C4BPA: variants seen among roughly 807,000 people sequenced by gnomAD.
The protein encoded by C4BPA is C4b-binding protein alpha chain.
A neutral mutation model predicts 63.7 loss-of-function variants in C4BPA; 31 were observed. The observed-to-expected ratio is 0.49, with a 90% CI of 0.37 to 0.66. The LOEUF is 0.66. Among genes scored for constraint, C4BPA ranks in the 30% least tolerant of loss-of-function variants. C4BPA has a pLI of 0.00. For synonymous variants in C4BPA, 259 were observed against 254.7 expected (o/e 1.02, Z -0.16); for missense variants, 572 against 723.3 (o/e 0.79, Z 2.40).
At chr1:207,104,616 A>C (rs2102323888) in intron 1 of C4BPA, among the ~76,000 whole-genome samples, 186 bp downstream of exon 1, 1 of 152,262 alleles carries the variant, frequency 6.6e-6, no homozygotes, top group Non-Finnish European at 1.5e-5. Flanking sequence ...CCCTATCTGA[A>C]CCTCAAGTTT....
chr1:207,113,291 GTTTA>G (rs888239159), intron 2 of C4BPA, 124 bp downstream of exon 2: 4 of 1,078,448 alleles, frequency 3.7e-6, no homozygotes, highest in Non-Finnish European at 4.0e-6. Context: ...TCAACAAGTG[GTTTA>G]TTTGACAGGC....
At chr1:207,127,042 G>C (rs1252328099) in intron 7 of C4BPA, 147 bp downstream of exon 7, 2 of 605,670 alleles carry the variant, frequency 3.3e-6, no homozygotes, top group East Asian at 2.8e-5. Flanking sequence ...TTTTTTTCTT[G>C]TTGGAAAGAA....
intron 9 of C4BPA, among the ~76,000 whole-genome samples, chr1:207,136,840 C>T (rs566670066): frequency 6.6e-6 from 1 of 152,158 alleles, no homozygotes; most frequent in African/African-American, 2.4e-5. Flanking sequence ...GTACCCTCCC[C>T]CTACTAGAGC....
intron 10 of C4BPA, among the ~76,000 whole-genome samples, chr1:207,141,990 T>C (rs1041834931): frequency 1.3e-5 from 2 of 152,190 alleles, no homozygotes; most frequent in South Asian, 2.1e-4. Context: ...TACAAAAGTA[T>C]ACATGTGCCC....
rs928399579 is a variant in C4BPA, at chr1:207,113,150, T to C, written c.125T>C (p.Leu42Pro). 1.9e-6 allele frequency: 3 copies of C among 1,610,806 alleles called. No homozygotes were observed. Among genetic ancestry groups the C allele is most frequent in the East Asian group, 2.2e-5 (1 of 44,654 alleles). Residue 42 changes from leucine to proline, a missense_variant, in exon 2 of 12, where the codon CTG becomes CCG. Leu to Pro is a moderately conservative substitution (Grantham distance 98). Transcript: ENST00000367070. ...TTCCAAATGACCTTGATCGCTGCTC[T>C]GTTGCCTGCTGTTCTTGGTGAGTAG... ...ILFQMTLIAA[L>P]LPAVLGNCGP...
At chr1:207,109,750 T>C (rs1268943581) in intron 1 of C4BPA, among the ~76,000 whole-genome samples, 1 of 152,200 alleles carries the variant, frequency 6.6e-6, no homozygotes, top group Non-Finnish European at 1.5e-5. Context: ...GGAGAACCAG[T>C]TTTTGCCTAC....
intron 6 of C4BPA, 93 bp downstream of exon 6, chr1:207,124,459 A>C: frequency 1.1e-6 from 1 of 934,682 alleles, no homozygotes; most frequent in East Asian, 2.5e-5. Context: ...CAAATGGAAA[A>C]TTCAAAGATA....
Position 207,144,585 on chromosome 1 carries a change from A to G in C4BPA, c.1662A>G (p.Arg554=). The change falls in exon 12 of 12, where the codon AGA becomes AGG. Residue 554 remains arginine (R), a synonymous_variant. Transcript: ENST00000367070. ...EGCEQVLTGK[R]LMQCLPNPED... is the part of the protein sequence containing the mutation. Reference sequence around the variant, plus strand: ...GTGAACAAGTGCTCACAGGCAAAAGACTCATGCAGTGTCTCCCAAACCCAG... The same window carrying G: ...GTGAACAAGTGCTCACAGGCAAAAGGCTCATGCAGTGTCTCCCAAACCCAG... 6.2e-7 allele frequency: 1 copy of G among 1,612,826 alleles called. No individual in the cohort carries two copies. The highest frequency in any genetic ancestry group is 8.5e-7 in the Non-Finnish European group (1 of 1,179,676).
chr1:207,137,098 C>T (rs1380277762), intron 9 of C4BPA, among the ~76,000 whole-genome samples: 1 of 152,202 alleles, frequency 6.6e-6, no homozygotes, highest in Non-Finnish European at 1.5e-5. Context: ...TCAGACTTTA[C>T]CCTCTTGGGA....
At chr1:207,114,311 C>G in intron 3 of C4BPA, 26 bp downstream of exon 3, 1 of 1,545,156 alleles carries the variant, frequency 6.5e-7, no homozygotes, top group Non-Finnish European at 8.8e-7. Flanking sequence ...TATTTTTTTC[C>G]TTTGCTTTTC....
At chr1:207,144,460 G>A in intron 11 of C4BPA, 84 bp from the exon 12 acceptor site, 1 of 1,283,160 alleles carries the variant, frequency 7.8e-7, no homozygotes, top group Non-Finnish European at 1.1e-6. Context: ...GTTCAATCCT[G>A]TAGTCCTTCC....
intron 10 of C4BPA, among the ~76,000 whole-genome samples, chr1:207,143,314 A>G (rs1208681432): frequency 6.6e-6 from 1 of 150,952 alleles, no homozygotes; most frequent in East Asian, 2.0e-4. Flanking sequence ...GGAGGGGAAC[A>G]TCACACACTG....
At chr1:207,118,996 A>C (rs1247252519) in intron 4 of C4BPA, among the ~76,000 whole-genome samples, 1 of 150,598 alleles carries the variant, frequency 6.6e-6, no homozygotes, top group Admixed American at 6.7e-5. Flanking sequence ...GGGACTCAGG[A>C]AGGGAAGATA....
chr1:207,132,444 A>C (rs541813094), intron 8 of C4BPA, among the ~76,000 whole-genome samples: 6 of 152,332 alleles, frequency 3.9e-5, no homozygotes, highest in South Asian at 4.1e-4. Context: ...AGGTGAAGAC[A>C]CTGAGGCCAA....
Position 207,119,289 on chromosome 1 carries a change from C to T in C4BPA, c.428+3774C>T, listed in dbSNP as rs1480835023. Among the ~76,000 whole-genome samples, 2 of 92,722 alleles carry T rather than the reference C, an allele frequency of 2.2e-5. 1 individual carries two copies. The highest frequency in any genetic ancestry group is 6.0e-5 in the African/African-American group (2 of 33,154). 60.8% of individuals were successfully genotyped at this position (92,722 alleles called of 152,430 possible). ...ACAGAGAAACAACAGTGCTTGTGAA[C>T]TGCAGTCACATCCTGTGCTCTGCCC... On this transcript the variant is annotated intron_variant, in intron 4 of 11. Transcript: ENST00000367070.
At chr1:207,143,590 C>T (rs1046679884) in intron 10 of C4BPA, among the ~76,000 whole-genome samples, 3 of 152,120 alleles carry the variant, frequency 2.0e-5, no homozygotes, top group Non-Finnish European at 4.4e-5. Flanking sequence ...AATAACAGTG[C>T]TCATTTCATA....
chr1:207,127,816 C>T (rs1685078670), intron 7 of C4BPA, among the ~76,000 whole-genome samples: 1 of 152,204 alleles, frequency 6.6e-6, no homozygotes, highest in Admixed American at 6.5e-5. Context: ...GGGGCTGCAA[C>T]AGCTCTACCT....
intron 7 of C4BPA, 66 bp downstream of exon 7, chr1:207,126,961 G>C (rs546556836): frequency 8.5e-7 from 1 of 1,182,624 alleles, no homozygotes; most frequent in East Asian, 2.5e-5. Flanking sequence ...TGTTAATACG[G>C]GTATACTTGC....
At chr1:207,126,624 T>C (rs1685049574) in intron 6 of C4BPA, 89 bp from the exon 7 acceptor site, 3 of 903,356 alleles carry the variant, frequency 3.3e-6, no homozygotes, top group Non-Finnish European at 3.5e-6. Flanking sequence ...GCATTTGTGT[T>C]GCACTTGTAA....
Sources: gnomAD v4.1 joint callset for allele counts (sites outside exome capture counted in the v4.1 genomes callset) on GRCh38, gnomAD v4.1.1 for gene constraint, MANE v1.5 for transcripts, NCBI Gene and HGNC (gene_info 2026-07-23, HGNC 2026-07-21) for gene names.